Variants in NEK5 observed in about 807,000 individuals in gnomAD.
NEK5 encodes serine/threonine-protein kinase Nek5.
In NEK5, 88 loss-of-function variants were observed where a neutral mutation model predicts 109.2. That is an observed-to-expected ratio of 0.81 (90% CI 0.68 to 0.96). The LOEUF (loss-of-function observed/expected upper bound fraction) is 0.96, where lower values mean the gene tolerates loss of function less well. Among genes scored for constraint, NEK5 ranks in the 40% least tolerant of loss-of-function variants. The probability of loss-of-function intolerance (pLI) is 0.00; values close to 1 mark genes in which losing one functional copy is unlikely to be tolerated. For synonymous variants in NEK5, 283 were observed against 299.9 expected (o/e 0.94, Z 0.58); for missense variants, 834 against 920.7 (o/e 0.91, Z 1.22).
At chr13:52,108,436 T>C in intron 7 of NEK5, 32 bp from the exon 8 acceptor site, 1 of 1,349,374 alleles carries the variant, frequency 7.4e-7, no homozygotes, top group Non-Finnish European at 1.1e-6. Context: ...TAAATCAGCA[T>C]GATTTTTTAT....
At chr13:52,080,255 G>A (rs1243131544) in intron 17 of NEK5, among the ~76,000 whole-genome samples, 2 of 142,028 alleles carry the variant, frequency 1.4e-5, no homozygotes, top group African/African-American at 2.5e-5. Flanking sequence ...CGCCCCATCC[G>A]GGAGGGAGGT....
Position 52,113,712 on chromosome 13 carries a change from G to A in NEK5, c.215-1347C>T, listed in dbSNP as rs574415241. Among the ~76,000 whole-genome samples the A allele has an allele frequency of 1.4e-4, 21 of 151,848 alleles. No individual in the cohort carries two copies. In the South Asian group the frequency reaches 4.4e-3, roughly 32 times the overall value. On this transcript the variant is annotated intron_variant, in intron 4 of 23. Transcript: ENST00000684899. ...TAAAATATGTCTGTATAATTGCTAG[G>A]ATCCAAATGTCTTTGTCTTCCCCAA...
In NEK5 at chr13:52,110,539, T is replaced by C; in HGVS notation, c.351A>G (p.Lys117=). 3 of 1,612,612 alleles carry C rather than the reference T, an allele frequency of 1.9e-6. No individual in the cohort carries two copies. The highest frequency in any genetic ancestry group is 1.7e-6 in the Non-Finnish European group (2 of 1,178,924). The change falls in exon 6 of 24, where the codon AAA becomes AAG. Residue 117 remains lysine (K), a synonymous_variant. Transcript: ENST00000684899. ...GTAATATCTTCCTGTCATGAATATGTTTTAGTCCTAGAGAAATCTGTACAA... is the reference window on the plus strand; with the variant it reads ...GTAATATCTTCCTGTCATGAATATGCTTTAGTCCTAGAGAAATCTGTACAA... ...GWFVQISLGL[K]HIHDRKILHR... is the part of the protein sequence containing the mutation.
chr13:52,082,528 T>C (rs1336353233), intron 17 of NEK5, among the ~76,000 whole-genome samples: 1 of 152,220 alleles, frequency 6.6e-6, no homozygotes, highest in Non-Finnish European at 1.5e-5. Flanking sequence ...TTGGTTGAAA[T>C]CAACAGATTC....
chr13:52,072,302 C>A (rs1954797228), intron 19 of NEK5, among the ~76,000 whole-genome samples: 1 of 152,166 alleles, frequency 6.6e-6, no homozygotes, highest in Admixed American at 6.5e-5. Context: ...GGTCATAAGG[C>A]AACTTAATTT....
intron 9 of NEK5, among the ~76,000 whole-genome samples, chr13:52,103,892 C>T (rs1166051621): frequency 1.3e-5 from 2 of 152,144 alleles, no homozygotes; most frequent in African/African-American, 4.8e-5. Context: ...AAGCTTGTGC[C>T]TGGTTTCCTA....
chr13:52,062,461 G>T (rs1314214482), intron 21 of NEK5, among the ~76,000 whole-genome samples: 2 of 149,874 alleles, frequency 1.3e-5, no homozygotes, highest in African/African-American at 4.9e-5. Context: ...GTCTCACTCT[G>T]TCAGCCAGGA....
In NEK5 at chr13:52,110,591, A is replaced by G. The variant is rs886927396; in HGVS notation, c.313-14T>C. 6.4e-7 allele frequency: 1 copy of G among 1,573,912 alleles called. No individual in the cohort carries two copies. Among genetic ancestry groups the G allele is most frequent in the Non-Finnish European group, 8.7e-7 (1 of 1,146,666 alleles). On this transcript the variant is annotated splice_polypyrimidine_tract_variant and intron_variant, in intron 5 of 23. Coordinates refer to ENST00000684899, the MANE Select transcript of NEK5 (RefSeq NM_001365552.1). ...CCAACCGAGGATCTATAGAGAGAACACAAAACAAAGCCACTGAATAGCCTG... is the reference window on the plus strand; with the variant it reads ...CCAACCGAGGATCTATAGAGAGAACGCAAAACAAAGCCACTGAATAGCCTG...
At chr13:52,101,901 T>C in intron 11 of NEK5, 32 bp downstream of exon 11, 3 of 1,537,116 alleles carry the variant, frequency 2.0e-6, no homozygotes, top group Non-Finnish European at 2.7e-6. Context: ...GTGTAATAAA[T>C]ACTTTTGATT....
At chr13:52,114,240 C>A (rs1022524712) in intron 4 of NEK5, among the ~76,000 whole-genome samples, 1 of 151,970 alleles carries the variant, frequency 6.6e-6, no homozygotes, top group Admixed American at 6.6e-5. Context: ...AACAAACAAA[C>A]AAAAAAACCC....
At position 52,064,311 on chromosome 13, in the gene NEK5, G is replaced by C. The variant is rs1300861654; in HGVS notation, c.1975+1173C>G. Among the ~76,000 whole-genome samples, 5 of 138,714 alleles carry C rather than the reference G, an allele frequency of 3.6e-5. No homozygotes were observed. In the East Asian group the frequency reaches 1.1e-3, roughly 31 times the overall value. 91.0% of individuals were successfully genotyped at this position (138,714 alleles called of 152,430 possible). ...CCGGCCGCCCCTACTGGGAAGTGAGGAGCCCCTCTGCCTGGCCAGCCGCCC... is the reference window on the plus strand; with the variant it reads ...CCGGCCGCCCCTACTGGGAAGTGAGCAGCCCCTCTGCCTGGCCAGCCGCCC... On this transcript the variant is annotated intron_variant, in intron 21 of 23. Transcript: ENST00000684899.
At chr13:52,119,913 A>T (rs1020922947) in intron 3 of NEK5, among the ~76,000 whole-genome samples, 1 of 152,164 alleles carries the variant, frequency 6.6e-6, no homozygotes, top group Non-Finnish European at 1.5e-5. Context: ...TTCATTTTAG[A>T]AGTATTTGGG....
At chr13:52,117,683 A>G (rs568872461) in intron 4 of NEK5, among the ~76,000 whole-genome samples, 1 of 152,322 alleles carries the variant, frequency 6.6e-6, no homozygotes, top group East Asian at 1.9e-4. Context: ...TCAAGTGGTG[A>G]GCAAAACAGA....
intron 14 of NEK5, among the ~76,000 whole-genome samples, chr13:52,087,980 T>C (rs1955190141): frequency 6.7e-6 from 1 of 148,238 alleles, no homozygotes; most frequent in African/African-American, 2.5e-5. Flanking sequence ...CAGGCTGGAG[T>C]ACAGTGGCGC....
chr13:52,053,445 A>AT (rs201885198), intron 22 of NEK5, among the ~76,000 whole-genome samples: 3 of 151,612 alleles, frequency 2.0e-5, no homozygotes, highest in African/African-American at 7.3e-5. Context: ...CCTATTTTTA[A>AT]TTTTTTTTTC....
chr13:52,072,450 G>T (rs755815048), intron 19 of NEK5, among the ~76,000 whole-genome samples: 35 of 152,162 alleles, frequency 2.3e-4, no homozygotes, highest in Admixed American at 7.2e-4. Flanking sequence ...GTATTTTGTA[G>T]TCAATACCAA....
intron 22 of NEK5, among the ~76,000 whole-genome samples, chr13:52,058,075 C>T (rs1954578061): frequency 6.6e-6 from 1 of 151,384 alleles, no homozygotes; most frequent in Non-Finnish European, 1.5e-5. Flanking sequence ...CCCAAAATCT[C>T]CTTAAGCTGA....
chr13:52,089,249 A>T lies in NEK5; in HGVS notation c.1273T>A (p.Leu425Met). 1 of 1,578,788 alleles carries T rather than the reference A, an allele frequency of 6.3e-7. No individual in the cohort carries two copies. Among genetic ancestry groups the T allele is most frequent in the East Asian group, 2.2e-5 (1 of 44,668 alleles). The change falls in exon 14 of 24, where the codon TTG becomes ATG. Residue 425 changes from leucine (L) to methionine (M), a missense_variant and splice_region_variant. Leu to Met is a conservative substitution (Grantham distance 15). Around this residue, in one of 2 missense-constraint regions of NEK5, gnomAD observed 777 missense variants for 824.7 expected, o/e 0.94. Coordinates refer to ENST00000684899, the MANE Select transcript of NEK5 (RefSeq NM_001365552.1). ...CCCATATTTGGTATTTTACTTACCA[A>T]TTGCTTCTCCACTTTCAACTTATAT... is the stretch of plus-strand genomic sequence containing the variant. ...QQYKLKVEKQLGLRPSSAEPN... is the reference protein window; with the variant it reads ...QQYKLKVEKQMGLRPSSAEPN...
chr13:52,110,644 C>T, intron 5 of NEK5, 67 bp from the exon 6 acceptor site: 2 of 882,926 alleles, frequency 2.3e-6, no homozygotes, highest in Non-Finnish European at 3.7e-6. Flanking sequence ...TTCATGGTAA[C>T]ATGCAAAAAG....
Sources: gnomAD v4.1 joint callset for allele counts (sites outside exome capture counted in the v4.1 genomes callset) on GRCh38, gnomAD v4.1.1 for gene constraint, gnomAD v4.1.1 regional missense constraint, MANE v1.5 for transcripts, NCBI Gene and HGNC (gene_info 2026-07-23, HGNC 2026-07-21) for gene names.